The following MYO16 variants were observed in gnomAD, a reference collection of about 807,000 sequenced individuals.
MYO16 encodes the protein unconventional myosin-XVI.
A neutral mutation model predicts 205.3 loss-of-function variants in MYO16; 94 were observed. The observed-to-expected ratio is 0.46, with a 90% CI of 0.39 to 0.54. The LOEUF is 0.54. Among genes scored for constraint, MYO16 ranks in the 20% least tolerant of loss-of-function variants. The pLI, the probability that MYO16 is intolerant of heterozygous loss-of-function variation, is 0.00. For missense variants in MYO16, 2,315 were observed against 2,387.5 expected (o/e 0.97, Z 0.63); for synonymous variants, 988 against 954.0 (o/e 1.04, Z -0.66).
chr13:109,173,656 G>A (rs561601599), intron 33 of MYO16, among the ~76,000 whole-genome samples: 2 of 152,208 alleles, frequency 1.3e-5, no homozygotes, highest in East Asian at 3.9e-4. Context: ...AGCACTTTGG[G>A]AGGCTGAGGC....
chr13:108,641,947 C>T (rs1170933836), intron 1 of MYO16, among the ~76,000 whole-genome samples: 2 of 152,170 alleles, frequency 1.3e-5, no homozygotes, highest in Non-Finnish European at 2.9e-5. Flanking sequence ...CAGCACATCC[C>T]TCCATGATCA....
chr13:108,583,571 G>T, the MYO16 span, among the ~76,000 whole-genome samples: 1 of 152,104 alleles, frequency 6.6e-6, no homozygotes, highest in Non-Finnish European at 1.5e-5. Context: ...AATAATTTTA[G>T]AATTATTTAA....
At chr13:108,994,732 T>C (rs578152177) in intron 21 of MYO16, among the ~76,000 whole-genome samples, 1 of 152,214 alleles carries the variant, frequency 6.6e-6, no homozygotes, top group South Asian at 2.1e-4. Flanking sequence ...TCCTGCAGAG[T>C]TGAAATTGTG....
At chr13:109,004,533 T>C (rs1430103080) in intron 21 of MYO16, among the ~76,000 whole-genome samples, 1 of 152,196 alleles carries the variant, frequency 6.6e-6, no homozygotes, top group African/African-American at 2.4e-5. Context: ...ATGATTGAAA[T>C]GAAAGTGACA....
At chr13:109,028,894 C>G (rs990156511) in intron 23 of MYO16, among the ~76,000 whole-genome samples, 2 of 150,082 alleles carry the variant, frequency 1.3e-5, no homozygotes, top group Admixed American at 1.3e-4. Context: ...ATTTGTAGCC[C>G]GTCTGTAAAA....
chr13:108,625,307 A>T (rs144384164), upstream of MYO16, among the ~76,000 whole-genome samples: 1 of 152,278 alleles, frequency 6.6e-6, no homozygotes, highest in Admixed American at 6.5e-5. Flanking sequence ...CAGTCACTAG[A>T]CTGAGATCAG....
At chr13:108,579,629 C>T in the MYO16 span, among the ~76,000 whole-genome samples, 3 of 152,076 alleles carry the variant, frequency 2.0e-5, no homozygotes, top group Non-Finnish European at 4.4e-5. Flanking sequence ...TCAGTAGAAA[C>T]GGTGTTTCAC....
At chr13:108,884,036 T>C (rs970796113) in intron 13 of MYO16, among the ~76,000 whole-genome samples, 1 of 152,232 alleles carries the variant, frequency 6.6e-6, no homozygotes, top group Non-Finnish European at 1.5e-5. Context: ...TATTTTATAT[T>C]CAGCCAAACC....
rs1258011776 is a variant in MYO16, at chr13:108,798,704, T to TA, written c.741+5064_741+5065insA. 3.5e-4 allele frequency among the ~76,000 whole-genome samples: 44 copies of TA among 125,254 alleles called. 1 individual carries two copies. The highest frequency in any genetic ancestry group is 6.6e-4 in the Non-Finnish European group (40 of 60,434). 82.2% of individuals were successfully genotyped at this position (125,254 alleles called of 152,430 possible). ...CCGAGGCTTATTTTTTTTTTTTTTT[T>TA]TTTTTTTTTTTTGAGATGGAGTCTC... is the stretch of plus-strand genomic sequence containing the variant. On this transcript the variant is annotated intron_variant, in intron 6 of 34. Transcript: ENST00000457511.
intron 4 of MYO16, among the ~76,000 whole-genome samples, chr13:108,766,029 A>T (rs1384706709): frequency 2.6e-5 from 4 of 152,208 alleles, no homozygotes; most frequent in Non-Finnish European, 4.4e-5. Context: ...TTTATTATGG[A>T]TAAAATTATT....
At chr13:109,053,977 A>T (rs1887332421) in intron 25 of MYO16, among the ~76,000 whole-genome samples, 1 of 152,068 alleles carries the variant, frequency 6.6e-6, no homozygotes, top group Non-Finnish European at 1.5e-5. Flanking sequence ...AAAGCACTAA[A>T]TCCACAAGAA....
intron 1 of MYO16, among the ~76,000 whole-genome samples, chr13:108,655,540 C>T (rs1001220574): frequency 2.0e-5 from 3 of 152,174 alleles, no homozygotes; most frequent in Admixed American, 6.5e-5. Flanking sequence ...AGAGCCTCCA[C>T]TGGGGCACTG....
At chr13:108,968,270 A>G (rs1442973647) in intron 20 of MYO16, among the ~76,000 whole-genome samples, 1 of 152,112 alleles carries the variant, frequency 6.6e-6, no homozygotes, top group Non-Finnish European at 1.5e-5. Flanking sequence ...ATTACTTAAT[A>G]GCACCCATTT....
chr13:108,586,923 A>G, the MYO16 span, among the ~76,000 whole-genome samples: 1 of 152,168 alleles, frequency 6.6e-6, no homozygotes, highest in Non-Finnish European at 1.5e-5. Context: ...ATCCCCAGGG[A>G]ATTTGAAGGC....
rs73618337 is a variant in MYO16 at position 109,070,303 on chromosome 13, A to G, written c.3335+14708A>G. On this transcript the variant is annotated intron_variant, in intron 27 of 34. Coordinates refer to ENST00000457511, the MANE Select transcript of MYO16 (RefSeq NM_001198950.3). ...TAATTCCCAATAGACTCTAAGCTCC[A>G]TTAAGGAAGGCCTTCCACTGTATGC... 3.7e-3 allele frequency among the ~76,000 whole-genome samples: 558 copies of G among 152,306 alleles called. 4 individuals carry two copies. Among genetic ancestry groups the G allele is most frequent in the African/African-American group, 0.012 (505 of 41,578 alleles).
intron 29 of MYO16, among the ~76,000 whole-genome samples, chr13:109,124,000 G>T (rs1024347317): frequency 6.6e-6 from 1 of 152,102 alleles, no homozygotes; most frequent in East Asian, 1.9e-4. Flanking sequence ...TTTTAAAATT[G>T]GGAGAGACAG....
At chr13:108,528,582 C>CCCTCT in the MYO16 span, among the ~76,000 whole-genome samples, 5 of 17,834 alleles carry the variant, frequency 2.8e-4, no homozygotes, top group Non-Finnish European at 5.0e-4. Context: ...CCCTCCCCTC[C>CCCTCT]CCTTTCCCCT....
At chr13:109,129,106 C>A (rs1348486002) in intron 31 of MYO16, among the ~76,000 whole-genome samples, 2 of 144,886 alleles carry the variant, frequency 1.4e-5, no homozygotes, top group African/African-American at 2.6e-5. Flanking sequence ...TTTAAGAATA[C>A]AATATATTGT....
chr13:108,770,530 C>A (rs1885927399), intron 4 of MYO16, among the ~76,000 whole-genome samples: 1 of 152,144 alleles, frequency 6.6e-6, no homozygotes. Context: ...CAATATCTCC[C>A]AAACTGTCAC....
Sources: gnomAD v4.1 joint callset for allele counts (sites outside exome capture counted in the v4.1 genomes callset) on GRCh38, gnomAD v4.1.1 for gene constraint, MANE v1.5 for transcripts, NCBI Gene and HGNC (gene_info 2026-07-23, HGNC 2026-07-21) for gene names.